TANC2: variants seen among roughly 807,000 people sequenced by gnomAD.
The protein encoded by TANC2 is tetratricopeptide repeat, ankyrin repeat and coiled-coil containing 2.
Under a neutral mutation model 210.5 loss-of-function variants are expected in TANC2, and 26 were observed. That is an observed-to-expected ratio of 0.12 (90% CI 0.09 to 0.17). The LOEUF (loss-of-function observed/expected upper bound fraction) is 0.17, where lower values mean the gene tolerates loss of function less well. TANC2 is among the 10% of genes least tolerant of loss of function. The probability of loss-of-function intolerance (pLI) is 1.00; values close to 1 mark genes in which losing one functional copy is unlikely to be tolerated. For missense variants in TANC2, 2,129 were observed against 2,608.9 expected (o/e 0.82, Z 4.01); for synonymous variants, 931 against 967.1 (o/e 0.96, Z 0.69).
intron 26 of TANC2, among the ~76,000 whole-genome samples, chr17:63,416,706 C>T (rs2048872485): frequency 6.6e-6 from 1 of 152,198 alleles, no homozygotes. Flanking sequence ...TCTCAGAGAA[C>T]ACAGCCATGA....
intron 7 of TANC2, among the ~76,000 whole-genome samples, chr17:63,211,605 A>G (rs2041887488): frequency 6.6e-6 from 1 of 152,092 alleles, no homozygotes; most frequent in South Asian, 2.1e-4. Flanking sequence ...TTCAGGACAT[A>G]TTATTACTCC....
chr17:63,096,947 T>C (rs2037408979), intron 3 of TANC2, among the ~76,000 whole-genome samples: 1 of 152,160 alleles, frequency 6.6e-6, no homozygotes, highest in Non-Finnish European at 1.5e-5. Flanking sequence ...TTTGGCTTTG[T>C]TTTTCTGTAA....
chr17:63,295,389 C>T (rs922675185), intron 9 of TANC2, among the ~76,000 whole-genome samples: 6 of 152,224 alleles, frequency 3.9e-5, no homozygotes, highest in Admixed American at 3.9e-4. Flanking sequence ...TCTTAATAGA[C>T]TATTTCTCAG....
chr17:63,393,776 AT>A (rs58388281), intron 17 of TANC2, among the ~76,000 whole-genome samples: 35,665 of 123,892 alleles, frequency 0.29, 4,571 homozygotes, highest in African/African-American at 0.32. Context: ...TATTATTATT[AT>A]TTTTTTTTTT....
intron 1 of TANC2, among the ~76,000 whole-genome samples, chr17:62,999,183 A>G (rs1321246399): frequency 6.6e-6 from 1 of 151,992 alleles, no homozygotes; most frequent in Non-Finnish European, 1.5e-5. Context: ...TGGTCATTTG[A>G]AAGTCTGTGG....
At chr17:63,025,822 T>A (rs1272015712) in intron 2 of TANC2, among the ~76,000 whole-genome samples, 2 of 53,818 alleles carry the variant, frequency 3.7e-5, no homozygotes, top group Non-Finnish European at 8.3e-5. Context: ...AAAATTAAAT[T>A]AAAATAAAAT....
chr17:63,108,943 G>A lies in TANC2; in HGVS notation c.322+9586G>A, dbSNP rs540743417. On this transcript the variant is annotated intron_variant, in intron 4 of 27. Transcript: ENST00000689528. ...ATAGAATCTAACAACAAAGAAGATAGGGAGAAATTTCTTTTCTACTTCTAA... is the reference window on the plus strand; with the variant it reads ...ATAGAATCTAACAACAAAGAAGATAAGGAGAAATTTCTTTTCTACTTCTAA... Among the ~76,000 whole-genome samples, 60 of 151,436 alleles carry A rather than the reference G, an allele frequency of 4.0e-4. 2 individuals are homozygous for A. The highest frequency in any genetic ancestry group is 1.3e-3 in the African/African-American group (55 of 41,026).
intron 9 of TANC2, among the ~76,000 whole-genome samples, chr17:63,276,840 A>G (rs2043890928): frequency 6.6e-6 from 1 of 152,182 alleles, no homozygotes; most frequent in Non-Finnish European, 1.5e-5. Flanking sequence ...CTTTAAACAT[A>G]TTCTTATTTA....
At chr17:63,156,445 A>T (rs1487774442) in intron 5 of TANC2, among the ~76,000 whole-genome samples, 1 of 151,590 alleles carries the variant, frequency 6.6e-6, no homozygotes, top group African/African-American at 2.4e-5. Context: ...CCTGTTAATT[A>T]TTAGAACAAC....
intron 4 of TANC2, among the ~76,000 whole-genome samples, chr17:63,143,073 G>C (rs1030792853): frequency 6.6e-6 from 1 of 152,190 alleles, no homozygotes; most frequent in African/African-American, 2.4e-5. Context: ...TAGGAACACA[G>C]AAGCATTCAT....
chr17:63,217,915 G>A (rs1413166301), intron 7 of TANC2, among the ~76,000 whole-genome samples: 1 of 151,880 alleles, frequency 6.6e-6, no homozygotes, highest in Non-Finnish European at 1.5e-5. Flanking sequence ...CTACATTCAC[G>A]AATCAATCAG....
At chr17:63,078,849 G>T (rs906971649) in intron 3 of TANC2, among the ~76,000 whole-genome samples, 1 of 152,178 alleles carries the variant, frequency 6.6e-6, no homozygotes, top group African/African-American at 2.4e-5. Flanking sequence ...CGCTTTAAAA[G>T]AAAGTGTATT....
chr17:63,307,184 A>C (rs2044943182), intron 9 of TANC2, among the ~76,000 whole-genome samples: 1 of 152,066 alleles, frequency 6.6e-6, no homozygotes, highest in Non-Finnish European at 1.5e-5. Flanking sequence ...GCAATAAAGA[A>C]CCACTGGAGG....
chr17:63,157,046 T>C (rs2039864984), intron 5 of TANC2, among the ~76,000 whole-genome samples: 1 of 152,212 alleles, frequency 6.6e-6, no homozygotes, highest in Admixed American at 6.5e-5. Flanking sequence ...TTTCATTGTT[T>C]GTGATGTGAG....
chr17:63,076,880 G>A (rs778804608), intron 3 of TANC2, among the ~76,000 whole-genome samples: 8 of 152,108 alleles, frequency 5.3e-5, no homozygotes, highest in Non-Finnish European at 1.0e-4. Flanking sequence ...AATAAGAAAC[G>A]AAGGAGGAGT....
intron 8 of TANC2, among the ~76,000 whole-genome samples, chr17:63,256,211 A>G (rs2043190683): frequency 6.6e-6 from 1 of 151,904 alleles, no homozygotes; most frequent in Non-Finnish European, 1.5e-5. Flanking sequence ...CCTGGCCTCT[A>G]CCTTTTTTAT....
chr17:63,217,413 A>G (rs1481048390), intron 7 of TANC2, among the ~76,000 whole-genome samples: 1 of 152,234 alleles, frequency 6.6e-6, no homozygotes, highest in South Asian at 2.1e-4. Flanking sequence ...AATGTCACAA[A>G]CAATTTTATT....
chr17:63,266,451 C>G (rs941851454), intron 8 of TANC2, among the ~76,000 whole-genome samples: 1 of 152,052 alleles, frequency 6.6e-6, no homozygotes, highest in African/African-American at 2.4e-5. Flanking sequence ...TCATAAACAA[C>G]TTATATATGA....
chr17:63,308,360 G>C (rs2044996978), intron 9 of TANC2, among the ~76,000 whole-genome samples: 1 of 151,970 alleles, frequency 6.6e-6, no homozygotes, highest in African/African-American at 2.4e-5. Flanking sequence ...CCCTTGTTCA[G>C]GCCTTCATCA....
Sources: gnomAD v4.1 joint callset for allele counts (sites outside exome capture counted in the v4.1 genomes callset) on GRCh38, gnomAD v4.1.1 for gene constraint, MANE v1.5 for transcripts, NCBI Gene and HGNC (gene_info 2026-07-23, HGNC 2026-07-21) for gene names.